POU6F2: variants seen among roughly 807,000 people sequenced by gnomAD.
POU6F2 encodes POU class 6 homeobox 2.
Under a neutral mutation model 71.3 loss-of-function variants are expected in POU6F2, and 31 were observed. The observed-to-expected ratio is 0.43, with a 90% CI of 0.33 to 0.59. POU6F2 has a LOEUF of 0.59. Among genes scored for constraint, POU6F2 ranks in the 20% least tolerant of loss-of-function variants. POU6F2 has a pLI of 0.04. For synonymous variants in POU6F2, 347 were observed against 355.7 expected (o/e 0.98, Z 0.27); for missense variants, 783 against 856.8 (o/e 0.91, Z 1.07).
intron 1 of POU6F2, among the ~76,000 whole-genome samples, chr7:39,000,978 C>T (rs1375617568): frequency 2.6e-5 from 4 of 152,078 alleles, no homozygotes; most frequent in Non-Finnish European, 5.9e-5. Context: ...CAGTATTTAT[C>T]GTTTAAAATG....
rs189874243 is a variant in POU6F2, at chr7:39,468,443, T to G, written c.*3757T>G. 1 of 151,720 alleles carries G rather than the reference T, an allele frequency of 6.6e-6. No homozygotes were observed. Among genetic ancestry groups the G allele is most frequent in the Admixed American group, 6.6e-5 (1 of 15,232 alleles). The allele number at this position is 151,720 out of a possible 1,614,324, so 9.4% of individuals were successfully genotyped here. A position where few individuals can be genotyped will look rare whatever the true frequency, so the allele number is the denominator to read the frequency against. On this transcript the variant is annotated 3_prime_UTR_variant, in exon 10 of 10. Coordinates refer to ENST00000518318, the MANE Select transcript of POU6F2 (RefSeq NM_001370959.1). ...GACATTGAAACCAAAGCTGATTTTATCTGCACAGGTTGCTTAATATTTAAA... is the reference window on the plus strand; with the variant it reads ...GACATTGAAACCAAAGCTGATTTTAGCTGCACAGGTTGCTTAATATTTAAA...
chr7:39,246,929 G>C (rs1311223321), intron 4 of POU6F2, among the ~76,000 whole-genome samples: 1 of 19,854 alleles, frequency 5.0e-5, no homozygotes, highest in Admixed American at 6.0e-4. Flanking sequence ...TTTTTTTTTT[G>C]CGACGGAGTT....
intron 1 of POU6F2, among the ~76,000 whole-genome samples, chr7:39,067,221 A>G (rs934592259): frequency 6.7e-6 from 1 of 149,984 alleles, no homozygotes; most frequent in Non-Finnish European, 1.5e-5. Context: ...TCAACTAATT[A>G]TGCTCTAAAA....
Position 39,411,589 on chromosome 7 carries a change from A to G in POU6F2, c.1113+4849A>G, listed in dbSNP as rs569583265. ...CAATGTATTAAAAAGAAGGAAAAGT[A>G]AAGAGACTTACCTAGTCAGGTTACT... is the stretch of plus-strand genomic sequence containing the variant. On this transcript the variant is annotated intron_variant, in intron 6 of 9. Coordinates refer to ENST00000518318, the MANE Select transcript of POU6F2 (RefSeq NM_001370959.1). Among the ~76,000 whole-genome samples the G allele has an allele frequency of 2.0e-5, 3 of 152,344 alleles. No individual in the cohort carries two copies. The South Asian group carries it at 6.2e-4, about 32-fold the overall frequency.
intron 4 of POU6F2, among the ~76,000 whole-genome samples, chr7:39,315,121 T>C (rs1016736461): frequency 6.6e-6 from 1 of 152,252 alleles, no homozygotes; most frequent in African/African-American, 2.4e-5. Flanking sequence ...GCTTCCCATT[T>C]GTTGTTGAGT....
At chr7:39,429,236 T>G (rs1347358060) in intron 6 of POU6F2, among the ~76,000 whole-genome samples, 2 of 152,108 alleles carry the variant, frequency 1.3e-5, no homozygotes, top group African/African-American at 4.8e-5. Context: ...TTTCTCACCT[T>G]TAGGCTGATC....
At chr7:39,201,764 G>GC (rs1793909115) in intron 2 of POU6F2, among the ~76,000 whole-genome samples, 1 of 152,194 alleles carries the variant, frequency 6.6e-6, no homozygotes, top group Admixed American at 6.5e-5. Flanking sequence ...CAAACGTTCA[G>GC]CTAAGTGTTG....
chr7:39,277,011 C>T (rs1784453457), intron 4 of POU6F2, among the ~76,000 whole-genome samples: 1 of 151,968 alleles, frequency 6.6e-6, no homozygotes, highest in Non-Finnish European at 1.5e-5. Flanking sequence ...ATGTAACTAA[C>T]CTGTACATTG....
intron 2 of POU6F2, among the ~76,000 whole-genome samples, chr7:39,130,120 ATTTTTTT>A (rs1030858000): frequency 6.9e-6 from 1 of 145,738 alleles, no homozygotes; most frequent in African/African-American, 2.5e-5. Flanking sequence ...GTAAAATACC[ATTTTTTT>A]TAAAGTAAAG....
At chr7:39,221,220 A>G (rs1241365318) in intron 4 of POU6F2, among the ~76,000 whole-genome samples, 5 of 152,020 alleles carry the variant, frequency 3.3e-5, no homozygotes, top group African/African-American at 9.7e-5. Context: ...TAACAGGTAC[A>G]TGTAAATTGT....
Position 39,235,320 on chromosome 7 carries a change from T to A in POU6F2, c.598+27700T>A, listed in dbSNP as rs1794656472. Among the ~76,000 whole-genome samples the A allele has an allele frequency of 2.0e-5, 3 of 152,190 alleles. No individual in the cohort carries two copies. In the South Asian group the frequency reaches 6.2e-4, roughly 32 times the overall value. On this transcript the variant is annotated intron_variant, in intron 4 of 9. Coordinates refer to ENST00000518318, the MANE Select transcript of POU6F2 (RefSeq NM_001370959.1). ...GATCATAATAAAAATAGCTCCTGAA[T>A]ATCAAGTACTGTGGTTAGAACTTTT...
intron 1 of POU6F2, among the ~76,000 whole-genome samples, chr7:38,997,656 C>T (rs192145981): frequency 7.2e-5 from 11 of 152,300 alleles, no homozygotes; most frequent in Non-Finnish European, 1.5e-4. Flanking sequence ...CCACCAAACA[C>T]AAACATTGGC....
intron 4 of POU6F2, among the ~76,000 whole-genome samples, chr7:39,225,620 T>C (rs1317056211): frequency 1.3e-5 from 2 of 152,208 alleles, no homozygotes; most frequent in Non-Finnish European, 2.9e-5. Flanking sequence ...TTTCAAAGCA[T>C]GTTCCCATGA....
chr7:39,054,853 C>T (rs947843840), intron 1 of POU6F2, among the ~76,000 whole-genome samples: 3 of 150,964 alleles, frequency 2.0e-5, no homozygotes, highest in Non-Finnish European at 4.4e-5. Context: ...AGTATGAATA[C>T]GTGTGTGAGC....
At chr7:39,281,882 G>A (rs1784569945) in intron 4 of POU6F2, among the ~76,000 whole-genome samples, 1 of 152,080 alleles carries the variant, frequency 6.6e-6, no homozygotes, top group African/African-American at 2.4e-5. Flanking sequence ...ACCCCATACT[G>A]TTTTCCAAAA....
intron 4 of POU6F2, among the ~76,000 whole-genome samples, chr7:39,310,644 T>C (rs1785145088): frequency 6.6e-6 from 1 of 152,254 alleles, no homozygotes; most frequent in South Asian, 2.1e-4. Flanking sequence ...CATTACATGA[T>C]GTAAGTACAA....
intron 4 of POU6F2, among the ~76,000 whole-genome samples, chr7:39,296,446 T>C (rs1034085434): frequency 6.6e-6 from 1 of 152,218 alleles, no homozygotes; most frequent in Non-Finnish European, 1.5e-5. Flanking sequence ...CTTCCTCTCC[T>C]CACATCCAAT....
chr7:39,358,902 A>G (rs1786318832), intron 5 of POU6F2, among the ~76,000 whole-genome samples: 1 of 151,870 alleles, frequency 6.6e-6, no homozygotes, highest in Non-Finnish European at 1.5e-5. Flanking sequence ...GAGTATGACA[A>G]GAAGATGCTT....
intron 5 of POU6F2, among the ~76,000 whole-genome samples, chr7:39,351,610 CTT>C (rs1786140799): frequency 6.6e-6 from 1 of 152,144 alleles, no homozygotes. Flanking sequence ...GCTTTTCAAA[CTT>C]TTATTTGCAT....
Sources: gnomAD v4.1 joint callset for allele counts (sites outside exome capture counted in the v4.1 genomes callset) on GRCh38, gnomAD v4.1.1 for gene constraint, MANE v1.5 for transcripts, NCBI Gene and HGNC (gene_info 2026-07-23, HGNC 2026-07-21) for gene names.